UBA6: variants seen among roughly 807,000 people sequenced by gnomAD.
UBA6 encodes the protein ubiquitin-like modifier-activating enzyme 6.
Under a neutral mutation model 148.3 loss-of-function variants are expected in UBA6, and 87 were observed. The ratio of observed to expected loss-of-function variants is 0.59; its 90% CI spans 0.49 to 0.70. The LOEUF is 0.70. UBA6 is among the 30% of genes least tolerant of loss of function. UBA6 has a pLI of 0.00. For synonymous variants in UBA6, 376 were observed against 401.0 expected (o/e 0.94, Z 0.75); for missense variants, 1,186 against 1,241.2 (o/e 0.96, Z 0.67).
chr4:67,679,228 T>C (rs1259043962), intron 4 of UBA6, among the ~76,000 whole-genome samples: 1 of 152,110 alleles, frequency 6.6e-6, no homozygotes, highest in African/African-American at 2.4e-5. Context: ...TACACATGTA[T>C]GTGTGTATGC....
At chr4:67,694,215 C>CAAAAAAAAAAAAAAAA (rs769649769) in intron 2 of UBA6, among the ~76,000 whole-genome samples, 3 of 41,872 alleles carry the variant, frequency 7.2e-5, no homozygotes, top group Non-Finnish European at 1.2e-4. Flanking sequence ...GACTCCATCT[C>CAAAAAAAAAAAAAAAA]AAAAAAAAAA....
At chr4:67,652,763 T>C (rs1729584011) in intron 13 of UBA6, among the ~76,000 whole-genome samples, 1 of 152,210 alleles carries the variant, frequency 6.6e-6, no homozygotes, top group Non-Finnish European at 1.5e-5. Flanking sequence ...GGGATTTCCC[T>C]TTCCTAGCCA....
At chr4:67,619,963 G>A (rs1176967806) in intron 32 of UBA6, among the ~76,000 whole-genome samples, 4 of 152,074 alleles carry the variant, frequency 2.6e-5, no homozygotes, top group African/African-American at 9.7e-5. Context: ...TAAATTTGAT[G>A]TATTCTCCTG....
Position 67,615,957 on chromosome 4 carries a change from T to G in UBA6, c.*3040A>C. 2.8e-6 allele frequency: 1 copy of G among 355,732 alleles called. No homozygotes were observed. The highest frequency in any genetic ancestry group is 5.0e-6 in the Non-Finnish European group (1 of 198,776). 22.0% of individuals were successfully genotyped at this position (355,732 alleles called of 1,614,324 possible). A position where few individuals can be genotyped will look rare whatever the true frequency, so the allele number is the denominator to read the frequency against. On this transcript the variant is annotated 3_prime_UTR_variant, in exon 33 of 33. Transcript: ENST00000322244. ...TAATTTCTGAACTGCTGTCAATATA[T>G]TCTACTAAGCTGAGTGCTAGTTATA...
At position 67,645,893 on chromosome 4, in the gene UBA6, C is replaced by T. The variant is rs143114196; in HGVS notation, c.1395+45G>A. ...TGTTTTAATGAATTAAGTTGATATACGATAGCAGTTTGAACATACTATTCC... is the reference window on the plus strand; with the variant it reads ...TGTTTTAATGAATTAAGTTGATATATGATAGCAGTTTGAACATACTATTCC... On this transcript the variant is annotated intron_variant, in intron 16 of 32. Transcript: ENST00000322244. The T allele has an allele frequency of 2.3e-4, 278 of 1,212,088 alleles. No individual in the cohort carries two copies. The African/African-American group carries it at 3.7e-3, about 16-fold the overall frequency. The allele number at this position is 1,212,088 out of a possible 1,614,324, so 75.1% of individuals were successfully genotyped here. A position where few individuals can be genotyped will look rare whatever the true frequency, so the allele number is the denominator to read the frequency against.
At position 67,617,238 on chromosome 4, in the gene UBA6, T is replaced by TA. The variant is rs201970444; in HGVS notation, c.*1758dup. ...AATTAACTACCCGAAAAGTATCAGT[T>TA]ACTTTCAAAGAACACAAAACAAAGT... On this transcript the variant is annotated 3_prime_UTR_variant, in exon 33 of 33. Transcript: ENST00000322244. 5.6e-3 allele frequency: 852 copies of TA among 152,224 alleles called. 11 individuals are homozygous for TA. Among genetic ancestry groups the TA allele is most frequent in the African/African-American group, 0.019 (803 of 41,566 alleles). 9.4% of individuals were successfully genotyped at this position (152,224 alleles called of 1,614,324 possible). A position where few individuals can be genotyped will look rare whatever the true frequency, so the allele number is the denominator to read the frequency against.
chr4:67,699,353 A>G (rs1730915877), intron 1 of UBA6, among the ~76,000 whole-genome samples: 1 of 152,256 alleles, frequency 6.6e-6, no homozygotes, highest in Non-Finnish European at 1.5e-5. Context: ...TTGATAAATA[A>G]GCCAAAGAAT....
rs545593894 is a variant in UBA6 at position 67,676,763 on chromosome 4, G to C, written c.465+848C>G. The stretch of plus-strand genomic sequence containing the variant: ...CTGAGCATTTTCCTTACATTATTTT[G>C]AGCTCGGATAGTCATTTAAAAGAAA... On this transcript the variant is annotated intron_variant, in intron 6 of 32. Coordinates refer to ENST00000322244, the MANE Select transcript of UBA6 (RefSeq NM_018227.6). 2.6e-5 allele frequency among the ~76,000 whole-genome samples: 4 copies of C among 152,040 alleles called. No individual in the cohort carries two copies. In the South Asian group the frequency reaches 8.3e-4, roughly 32 times the overall value.
intron 27 of UBA6, among the ~76,000 whole-genome samples, chr4:67,627,667 G>A (rs1400646925): frequency 6.6e-6 from 1 of 151,036 alleles, no homozygotes; most frequent in East Asian, 1.9e-4. Context: ...CCATCTACCT[G>A]GGCAAAATCA....
At chr4:67,632,673 T>C (rs1729027056) in intron 23 of UBA6, among the ~76,000 whole-genome samples, 1 of 152,068 alleles carries the variant, frequency 6.6e-6, no homozygotes, top group Admixed American at 6.6e-5. Flanking sequence ...TAGAGCTCTG[T>C]TGAAAGTAAA....
At chr4:67,700,942 C>G (rs919470684) in intron 1 of UBA6, 107 bp downstream of exon 1, 2 of 1,409,936 alleles carry the variant, frequency 1.4e-6, no homozygotes, top group Admixed American at 3.8e-5. Context: ...CTCTGCTCGG[C>G]CCCGCGGCCT....
chr4:67,696,551 CTGCATAGGCTG>C (rs1730844861), intron 2 of UBA6, 83 bp downstream of exon 2: 8 of 916,740 alleles, frequency 8.7e-6, no homozygotes, highest in Non-Finnish European at 1.4e-5. Flanking sequence ...ACATATAATT[CTGCATAGGCTG>C]AATGGTATCT....
At chr4:67,638,766 A>C (rs145526075) in intron 19 of UBA6, among the ~76,000 whole-genome samples, 177 bp downstream of exon 19, 24 of 152,358 alleles carry the variant, frequency 1.6e-4, no homozygotes, top group Admixed American at 5.2e-4. Context: ...TATGTTACAG[A>C]TTTTGAATTT....
At chr4:67,684,218 C>T (rs559447414) in intron 2 of UBA6, among the ~76,000 whole-genome samples, 1 of 152,316 alleles carries the variant, frequency 6.6e-6, no homozygotes, top group Middle Eastern at 3.4e-3. Flanking sequence ...GGCATGCTTA[C>T]AGGGCTGGCC....
At chr4:67,654,446 A>G (rs1190642238) in intron 13 of UBA6, among the ~76,000 whole-genome samples, 1 of 152,196 alleles carries the variant, frequency 6.6e-6, no homozygotes, top group Non-Finnish European at 1.5e-5. Flanking sequence ...TAAGCTTCAT[A>G]AGTGAAGGAG....
At chr4:67,637,946 A>AAATG (rs1729205853) in intron 19 of UBA6, among the ~76,000 whole-genome samples, 1 of 148,930 alleles carries the variant, frequency 6.7e-6, no homozygotes, top group Non-Finnish European at 1.5e-5. Context: ...ATAAATAAAT[A>AAATG]AATAAATAAA....
At chr4:67,673,819 T>C (rs1418330728) in intron 6 of UBA6, 42 bp from the exon 7 acceptor site, 1 of 1,411,680 alleles carries the variant, frequency 7.1e-7, no homozygotes, top group Non-Finnish European at 9.9e-7. Flanking sequence ...AAATACATAA[T>C]TATTTTTTGT....
intron 12 of UBA6, chr4:67,662,467 T>A (rs930301300): frequency 2.3e-6 from 1 of 438,846 alleles, no homozygotes; most frequent in African/African-American, 2.1e-5. Context: ...AAGTTTAGTT[T>A]TTTTTGTTTT....
rs1728693081 is a variant in UBA6 at position 67,619,061 on chromosome 4, A to G, written c.3095T>C (p.Ile1032Thr). ...TCCCGGCAAATCTTCATCTCCATCA[A>G]TGTCTGGAGCAAATGACACAGTAAG... Reference protein sequence around the residue: ...VDLTVSFAPDIDGDEDLPGPP... With the variant: ...VDLTVSFAPDTDGDEDLPGPP... The change falls in exon 33 of 33, where the codon ATT becomes ACT. Residue 1032 changes from isoleucine to threonine, a missense_variant. Physicochemically the swap from Ile to Thr is moderately conservative, Grantham distance 89. Transcript: ENST00000322244. 5.0e-6 allele frequency: 8 copies of G among 1,613,180 alleles called. No individual in the cohort carries two copies. The East Asian group carries it at 1.1e-4, about 22-fold the overall frequency.
Sources: gnomAD v4.1 joint callset for allele counts (sites outside exome capture counted in the v4.1 genomes callset) on GRCh38, gnomAD v4.1.1 for gene constraint, MANE v1.5 for transcripts, NCBI Gene and HGNC (gene_info 2026-07-23, HGNC 2026-07-21) for gene names.